Variants in CNTNAP2 observed in about 807,000 individuals in gnomAD.
CNTNAP2 encodes the protein contactin-associated protein-like 2.
A neutral mutation model predicts 155.2 loss-of-function variants in CNTNAP2; 98 were observed. The ratio of observed to expected loss-of-function variants is 0.63; its 90% CI spans 0.54 to 0.75. The LOEUF is 0.75. CNTNAP2 is among the 30% of genes least tolerant of loss of function. CNTNAP2 has a pLI of 0.00. For synonymous variants in CNTNAP2, 651 were observed against 631.2 expected (o/e 1.03, Z -0.47); for missense variants, 1,727 against 1,688.1 (o/e 1.02, Z -0.40).
intron 3 of CNTNAP2, among the ~76,000 whole-genome samples, chr7:146,864,499 T>C (rs1795165013): frequency 6.6e-6 from 1 of 152,142 alleles, no homozygotes; most frequent in African/African-American, 2.4e-5. Context: ...AACAATAGAA[T>C]ATTATTGATT....
intron 15 of CNTNAP2, among the ~76,000 whole-genome samples, chr7:148,111,214 C>T (rs1046457746): frequency 3.3e-5 from 5 of 152,190 alleles, no homozygotes; most frequent in Middle Eastern, 6.8e-3. Context: ...AAAGAAGGGA[C>T]CCCCAAACTC....
At chr7:147,393,204 G>A (rs1796753087) in intron 9 of CNTNAP2, among the ~76,000 whole-genome samples, 1 of 152,042 alleles carries the variant, frequency 6.6e-6, no homozygotes, top group Non-Finnish European at 1.5e-5. Flanking sequence ...TAATGAATAT[G>A]TAGTATTTTG....
chr7:146,476,931 A>G (rs1199285559), intron 1 of CNTNAP2, among the ~76,000 whole-genome samples: 1 of 152,168 alleles, frequency 6.6e-6, no homozygotes, highest in East Asian at 1.9e-4. Context: ...ATTTTAAACA[A>G]AGGTAGAGAA....
At chr7:148,051,544 G>GA (rs1563181422) in intron 15 of CNTNAP2, among the ~76,000 whole-genome samples, 1 of 152,050 alleles carries the variant, frequency 6.6e-6, no homozygotes, top group Non-Finnish European at 1.5e-5. Context: ...AGGATCACTG[G>GA]AACTGATTAG....
intron 3 of CNTNAP2, among the ~76,000 whole-genome samples, chr7:146,954,807 TATG>T (rs1407348590): frequency 1.3e-5 from 2 of 151,972 alleles, no homozygotes; most frequent in Non-Finnish European, 2.9e-5. Flanking sequence ...TATTTTAGTA[TATG>T]ATGTGAAATC....
intron 13 of CNTNAP2, among the ~76,000 whole-genome samples, chr7:147,875,115 C>T (rs1042719551): frequency 1.3e-5 from 2 of 152,322 alleles, no homozygotes; most frequent in East Asian, 1.9e-4. Context: ...GCCTGTTACC[C>T]AGTTCCAAAG....
chr7:147,113,542 T>C (rs1800925864), intron 5 of CNTNAP2, among the ~76,000 whole-genome samples: 1 of 151,860 alleles, frequency 6.6e-6, no homozygotes, highest in Non-Finnish European at 1.5e-5. Context: ...AACACATCCT[T>C]CTTCACATGG....
In CNTNAP2 at chr7:147,555,092, G is replaced by C. The variant is rs115680879; in HGVS notation, c.1778-7046G>C. On this transcript the variant is annotated intron_variant, in intron 11 of 23. Coordinates refer to ENST00000361727, the MANE Select transcript of CNTNAP2 (RefSeq NM_014141.6). ...TTAGGTTCTGGGCAAACACATTCCTGCAACCAAATTCACTAGAGTCTGTTG... is the reference window on the plus strand; with the variant it reads ...TTAGGTTCTGGGCAAACACATTCCTCCAACCAAATTCACTAGAGTCTGTTG... Among the ~76,000 whole-genome samples the C allele has an allele frequency of 6.4e-3, 978 of 152,242 alleles. 13 individuals are homozygous for C. Among genetic ancestry groups the C allele is most frequent in the African/African-American group, 0.022 (919 of 41,540 alleles).
At chr7:147,459,076 C>A (rs1342477786) in intron 10 of CNTNAP2, among the ~76,000 whole-genome samples, 1 of 152,192 alleles carries the variant, frequency 6.6e-6, no homozygotes, top group Non-Finnish European at 1.5e-5. Flanking sequence ...TGGAGATATT[C>A]TGTATCTGCA....
intron 1 of CNTNAP2, among the ~76,000 whole-genome samples, chr7:146,721,771 T>C (rs1399288595): frequency 7.6e-6 from 1 of 130,850 alleles, no homozygotes; most frequent in Admixed American, 7.8e-5. Flanking sequence ...AGTCTACATA[T>C]ATATTCTATA....
chr7:147,323,746 C>G (rs941744852), intron 9 of CNTNAP2, among the ~76,000 whole-genome samples: 2 of 151,990 alleles, frequency 1.3e-5, no homozygotes, highest in African/African-American at 4.8e-5. Context: ...ATCATCCTAG[C>G]CTGAAGCTTT....
At chr7:146,360,732 T>G (rs922342584) in intron 1 of CNTNAP2, among the ~76,000 whole-genome samples, 2 of 152,204 alleles carry the variant, frequency 1.3e-5, no homozygotes, top group Non-Finnish European at 2.9e-5. Flanking sequence ...TTCTGGGGCT[T>G]AAATTTTGAA....
chr7:146,315,792 G>A (rs1055765645), intron 1 of CNTNAP2, among the ~76,000 whole-genome samples: 2 of 152,258 alleles, frequency 1.3e-5, no homozygotes, highest in African/African-American at 2.4e-5. Context: ...TACAGCTATA[G>A]CTTCTTGTGG....
At chr7:147,027,616 A>T (rs1288687543) in intron 3 of CNTNAP2, among the ~76,000 whole-genome samples, 2 of 152,214 alleles carry the variant, frequency 1.3e-5, no homozygotes, top group African/African-American at 2.4e-5. Context: ...ACAGACTGAG[A>T]TTTTCATTTA....
chr7:146,387,013 C>T (rs1464838702), intron 1 of CNTNAP2, among the ~76,000 whole-genome samples: 1 of 152,160 alleles, frequency 6.6e-6, no homozygotes, highest in African/African-American at 2.4e-5. Context: ...CAAAGACACT[C>T]TCACCCAAAA....
intron 10 of CNTNAP2, among the ~76,000 whole-genome samples, chr7:147,421,420 A>G (rs1166309131): frequency 6.6e-6 from 1 of 152,104 alleles, no homozygotes; most frequent in Non-Finnish European, 1.5e-5. Flanking sequence ...CAGCACTTTT[A>G]TTCATTCAAA....
intron 1 of CNTNAP2, among the ~76,000 whole-genome samples, chr7:146,730,387 C>G (rs1352748566): frequency 6.6e-6 from 1 of 152,094 alleles, no homozygotes; most frequent in Non-Finnish European, 1.5e-5. Context: ...GGACATATTT[C>G]TGAATTCCTC....
At chr7:148,099,868 G>GTTTTTTTTTTTTTTTTTTT (rs751537152) in intron 15 of CNTNAP2, among the ~76,000 whole-genome samples, 5 of 88,804 alleles carry the variant, frequency 5.6e-5, no homozygotes, top group Admixed American at 1.3e-4. Flanking sequence ...TTTTTTTTTG[G>GTTTTTTTTTTTTTTTTTTT]TTTTTTTTTT....
At chr7:147,621,094 A>G (rs573099179) in intron 12 of CNTNAP2, among the ~76,000 whole-genome samples, 1 of 152,284 alleles carries the variant, frequency 6.6e-6, no homozygotes. Flanking sequence ...TACGGTGCTG[A>G]AAGAAAAAAA....
Sources: gnomAD v4.1 joint callset for allele counts (sites outside exome capture counted in the v4.1 genomes callset) on GRCh38, gnomAD v4.1.1 for gene constraint, MANE v1.5 for transcripts, NCBI Gene and HGNC (gene_info 2026-07-23, HGNC 2026-07-21) for gene names.